Variants in KCNH8 observed in about 807,000 individuals in gnomAD.
The protein encoded by KCNH8 is potassium voltage-gated channel subfamily H member 8.
A neutral mutation model predicts 103.6 loss-of-function variants in KCNH8; 70 were observed. That is an observed-to-expected ratio of 0.68 (90% CI 0.56 to 0.82). The LOEUF is 0.82. KCNH8 is among the 40% of genes least tolerant of loss of function. The pLI is 0.00. For synonymous variants in KCNH8, 498 were observed against 489.4 expected, an observed-to-expected ratio of 1.02 and a Z score of -0.23; for missense variants, 1,217 against 1,329.9, an observed-to-expected ratio of 0.92 and a Z score of 1.32.
intron 12 of KCNH8, among the ~76,000 whole-genome samples, chr3:19,511,571 G>A (rs2068783577): frequency 6.6e-6 from 1 of 152,078 alleles, no homozygotes; most frequent in Non-Finnish European, 1.5e-5. Flanking sequence ...ATCCAACGAT[G>A]CTAGTATACA....
intron 5 of KCNH8, among the ~76,000 whole-genome samples, chr3:19,352,808 A>C (rs1258314476): frequency 6.6e-6 from 1 of 152,222 alleles, no homozygotes; most frequent in Non-Finnish European, 1.5e-5. Context: ...ACACCCTAAC[A>C]TCAAAATTAA....
At chr3:19,465,602 G>A (rs375321952) in intron 11 of KCNH8, among the ~76,000 whole-genome samples, 1 of 151,854 alleles carries the variant, frequency 6.6e-6, no homozygotes, top group East Asian at 1.9e-4. Context: ...ATTTTGTAAA[G>A]CTATAGCTGC....
At chr3:19,190,854 A>G (rs974511820) in intron 1 of KCNH8, among the ~76,000 whole-genome samples, 1 of 151,956 alleles carries the variant, frequency 6.6e-6, no homozygotes, top group African/African-American at 2.4e-5. Flanking sequence ...TCACGAAGGT[A>G]GAGTAGCTTC....
intron 11 of KCNH8, among the ~76,000 whole-genome samples, chr3:19,499,766 C>T (rs1200422176): frequency 6.6e-6 from 1 of 152,106 alleles, no homozygotes. Context: ...ACCAGGCCTG[C>T]CCTAAAAGAG....
rs1190671712 is a variant in KCNH8 at position 19,148,656 on chromosome 3, A to C, written c.-64A>C. The C allele has an allele frequency of 3.3e-6, 5 of 1,522,032 alleles. No individual in the cohort carries two copies. The Admixed American group carries it at 6.7e-5, about 20-fold the overall frequency. The allele number at this position is 1,522,032 out of a possible 1,614,324, so 94.3% of individuals were successfully genotyped here. A position where few individuals can be genotyped will look rare whatever the true frequency, so the allele number is the denominator to read the frequency against. The stretch of plus-strand genomic sequence containing the variant: ...CAGGTTCCCCTTCTCCCTTCTTGGC[A>C]CTTTCCTTTCGAACCATCCTTCTGG... On this transcript the variant is annotated 5_prime_UTR_variant, in exon 1 of 16. Transcript: ENST00000328405.
chr3:19,311,589 C>T (rs76834961), intron 3 of KCNH8, among the ~76,000 whole-genome samples: 4,922 of 151,836 alleles, frequency 0.032, 244 homozygotes, highest in African/African-American at 0.11. Context: ...AGAAACATAT[C>T]TGAGAGGGAG....
intron 1 of KCNH8, among the ~76,000 whole-genome samples, chr3:19,241,498 C>T (rs9814599): frequency 0.19 from 28,784 of 152,024 alleles, 5,360 homozygotes; most frequent in African/African-American, 0.48. Context: ...GTATATCTAA[C>T]ATGTAAACCT....
At chr3:19,232,275 G>A (rs559267262) in intron 1 of KCNH8, among the ~76,000 whole-genome samples, 1 of 152,182 alleles carries the variant, frequency 6.6e-6, no homozygotes, top group Admixed American at 6.5e-5. Context: ...TTGCCAAGAA[G>A]ATAATCTGAC....
At chr3:19,388,841 T>C (rs1040341077) in intron 5 of KCNH8, among the ~76,000 whole-genome samples, 3 of 152,128 alleles carry the variant, frequency 2.0e-5, no homozygotes, top group African/African-American at 7.2e-5. Flanking sequence ...TGGTGGAAGA[T>C]GTAATCCTGT....
At chr3:19,427,147 T>G (rs2067040957) in intron 7 of KCNH8, among the ~76,000 whole-genome samples, 1 of 152,222 alleles carries the variant, frequency 6.6e-6, no homozygotes, top group Non-Finnish European at 1.5e-5. Context: ...AGTCATATCC[T>G]TCAATGTTTA....
chr3:19,287,040 G>A (rs1394836853), intron 3 of KCNH8, among the ~76,000 whole-genome samples: 1 of 151,968 alleles, frequency 6.6e-6, no homozygotes, highest in Admixed American at 6.6e-5. Context: ...ATGAGGGTCA[G>A]GTGATCAAGA....
chr3:19,510,160 A>G lies in KCNH8; in HGVS notation c.2041-203A>G, dbSNP rs184696617. On this transcript the variant is annotated intron_variant, in intron 11 of 15. Coordinates refer to ENST00000328405, the MANE Select transcript of KCNH8 (RefSeq NM_144633.3). ...CACTGATCAGTAGTGGTCCTAGAGG[A>G]TAGGATGAGGCAGTTGTTTTTGGCA... Among the ~76,000 whole-genome samples, 453 of 152,148 alleles carry G rather than the reference A, an allele frequency of 3.0e-3. 4 individuals are homozygous for G. The highest frequency in any genetic ancestry group is 9.9e-3 in the African/African-American group (412 of 41,498).
intron 2 of KCNH8, among the ~76,000 whole-genome samples, chr3:19,273,000 C>T (rs886480463): frequency 6.6e-6 from 1 of 152,142 alleles, no homozygotes; most frequent in African/African-American, 2.4e-5. Flanking sequence ...TAAATATCCA[C>T]TGAATGAATG....
chr3:19,347,688 TG>T, intron 4 of KCNH8, 36 bp from the exon 5 acceptor site: 1 of 1,607,534 alleles, frequency 6.2e-7, no homozygotes, highest in South Asian at 1.1e-5. Context: ...TCTAATGTTG[TG>T]TTTCTCCTTT....
chr3:19,251,204 G>A (rs1328345879), intron 1 of KCNH8, among the ~76,000 whole-genome samples: 1 of 152,088 alleles, frequency 6.6e-6, no homozygotes, highest in African/African-American at 2.4e-5. Context: ...TAAGGACTGG[G>A]ACCACATCTA....
At chr3:19,216,746 T>C (rs2063822017) in intron 1 of KCNH8, among the ~76,000 whole-genome samples, 1 of 152,204 alleles carries the variant, frequency 6.6e-6, no homozygotes, top group Non-Finnish European at 1.5e-5. Flanking sequence ...AGGAACCCCT[T>C]TTATGTTCTC....
At chr3:19,481,162 T>G (rs1311616124) in intron 11 of KCNH8, among the ~76,000 whole-genome samples, 2 of 152,152 alleles carry the variant, frequency 1.3e-5, no homozygotes, top group Non-Finnish European at 2.9e-5. Context: ...AAGACTTCAT[T>G]GATTTTGTTG....
intron 3 of KCNH8, among the ~76,000 whole-genome samples, chr3:19,318,740 T>C (rs753963095): frequency 8.0e-5 from 12 of 150,904 alleles, no homozygotes; most frequent in African/African-American, 1.2e-4. Context: ...CTGTTTTCCA[T>C]AGTGGTTGTA....
intron 7 of KCNH8, among the ~76,000 whole-genome samples, chr3:19,437,178 T>G (rs1414013930): frequency 6.6e-6 from 1 of 152,176 alleles, no homozygotes; most frequent in Non-Finnish European, 1.5e-5. Flanking sequence ...TTAGTATCCA[T>G]TACAAAAATC....
Sources: gnomAD v4.1 joint callset for allele counts (sites outside exome capture counted in the v4.1 genomes callset) on GRCh38, gnomAD v4.1.1 for gene constraint, MANE v1.5 for transcripts, NCBI Gene and HGNC (gene_info 2026-07-23, HGNC 2026-07-21) for gene names.